Variants in ROBO2 observed in about 807,000 individuals in gnomAD.
The protein encoded by ROBO2 is roundabout homolog 2.
Under a neutral mutation model 160.8 loss-of-function variants are expected in ROBO2, and 53 were observed. The ratio of observed to expected loss-of-function variants is 0.33; its 90% CI spans 0.26 to 0.41. The LOEUF is 0.41. Ranked by LOEUF, ROBO2 falls within the 10% of genes least tolerant of loss-of-function variation. The probability of loss-of-function intolerance (pLI) is 1.00; values close to 1 mark genes in which losing one functional copy is unlikely to be tolerated. For missense variants in ROBO2, 1,577 were observed against 1,722.4 expected (o/e 0.92, Z 1.49); for synonymous variants, 664 against 611.7 (o/e 1.09, Z -1.26).
Position 77,152,585 on chromosome 3 carries a change from G to A in ROBO2, c.388+54245G>A, listed in dbSNP as rs62251809. Among the ~76,000 whole-genome samples, 834 of 152,276 alleles carry A rather than the reference G, an allele frequency of 5.5e-3. 1 individual carries two copies. The highest frequency in any genetic ancestry group is 8.4e-3 in the Non-Finnish European group (570 of 68,018). ...ATCCACATCACCTGTGAGTATGTTC[G>A]TTGTATCAAATCTCAGGCCTTATGC... On this transcript the variant is annotated intron_variant, in intron 2 of 25. Transcript: ENST00000461745.
At chr3:76,497,055 T>C (rs1199530341) in intron 2 of ROBO2, among the ~76,000 whole-genome samples, 1 of 152,222 alleles carries the variant, frequency 6.6e-6, no homozygotes, top group Non-Finnish European at 1.5e-5. Flanking sequence ...TTGTGGCTTC[T>C]GTCTCCTTGG....
intron 2 of ROBO2, among the ~76,000 whole-genome samples, chr3:76,167,389 C>A (rs1218370352): frequency 6.6e-6 from 1 of 152,184 alleles, no homozygotes; most frequent in Non-Finnish European, 1.5e-5. Flanking sequence ...TTTCTAAACC[C>A]AGAAGAGGAA....
intron 2 of ROBO2, among the ~76,000 whole-genome samples, chr3:76,578,862 C>T (rs991166431): frequency 6.6e-6 from 1 of 152,132 alleles, no homozygotes; most frequent in African/African-American, 2.4e-5. Context: ...GTAATCCTTT[C>T]GCCCAAACCT....
chr3:76,830,167 T>TC (rs1226727658), intron 2 of ROBO2, among the ~76,000 whole-genome samples: 2 of 152,076 alleles, frequency 1.3e-5, no homozygotes, highest in Admixed American at 1.3e-4. Flanking sequence ...AACTCAACTG[T>TC]CCCCCCCTCC....
chr3:76,537,183 G>C (rs555393160), intron 2 of ROBO2, among the ~76,000 whole-genome samples: 11 of 152,088 alleles, frequency 7.2e-5, no homozygotes, highest in African/African-American at 2.7e-4. Flanking sequence ...GGGAGAGAAA[G>C]AGGAAAGATT....
intron 5 of ROBO2, among the ~76,000 whole-genome samples, chr3:77,498,933 G>A (rs2087161148): frequency 6.6e-6 from 1 of 152,138 alleles, no homozygotes; most frequent in Non-Finnish European, 1.5e-5. Context: ...GAAGCAATGT[G>A]TACAAAATAT....
At chr3:77,063,626 G>C (rs1164332703) in intron 1 of ROBO2, among the ~76,000 whole-genome samples, 3 of 152,152 alleles carry the variant, frequency 2.0e-5, no homozygotes, top group African/African-American at 7.2e-5. Context: ...ACTTACGTTA[G>C]GCTACTTCGT....
At chr3:77,354,000 A>G (rs1209237917) in intron 2 of ROBO2, among the ~76,000 whole-genome samples, 2 of 152,132 alleles carry the variant, frequency 1.3e-5, no homozygotes, top group Non-Finnish European at 2.9e-5. Flanking sequence ...AATTGTTTTT[A>G]CTGAATTGCA....
At chr3:76,396,149 G>A (rs1328647903) in intron 2 of ROBO2, among the ~76,000 whole-genome samples, 1 of 152,100 alleles carries the variant, frequency 6.6e-6, no homozygotes, top group Non-Finnish European at 1.5e-5. Context: ...TCATCCCTGG[G>A]ATGCAAGGCT....
At chr3:76,034,692 T>C (rs946224041) in intron 2 of ROBO2, among the ~76,000 whole-genome samples, 2 of 152,240 alleles carry the variant, frequency 1.3e-5, no homozygotes, top group South Asian at 4.1e-4. Flanking sequence ...AATCCATGTT[T>C]TTGGTGATGT....
At chr3:77,290,703 G>C (rs1267563037) in intron 2 of ROBO2, among the ~76,000 whole-genome samples, 1 of 52,760 alleles carries the variant, frequency 1.9e-5, no homozygotes. Context: ...GATCACCCCA[G>C]ACATAAAGTA....
chr3:76,339,194 A>G (rs2074067292), intron 2 of ROBO2, among the ~76,000 whole-genome samples: 1 of 152,106 alleles, frequency 6.6e-6, no homozygotes, highest in African/African-American at 2.4e-5. Flanking sequence ...TGAATGGCAT[A>G]TTTTCAAAAT....
intron 1 of ROBO2, among the ~76,000 whole-genome samples, chr3:75,917,881 G>T (rs1207527549): frequency 3.4e-4 from 52 of 151,650 alleles, no homozygotes; most frequent in Non-Finnish European, 5.9e-4. Flanking sequence ...TTTTGATGGG[G>T]TTGTTTTTTT....
At chr3:76,647,251 C>T (rs2091016623) in intron 2 of ROBO2, among the ~76,000 whole-genome samples, 1 of 152,138 alleles carries the variant, frequency 6.6e-6, no homozygotes, top group Non-Finnish European at 1.5e-5. Flanking sequence ...GGGGGAAATG[C>T]AAACTGGATT....
chr3:77,126,178 A>G (rs1159985796), intron 2 of ROBO2, among the ~76,000 whole-genome samples: 9 of 152,232 alleles, frequency 5.9e-5, no homozygotes. Flanking sequence ...GAGTAACCTC[A>G]TTACAGTCAG....
intron 2 of ROBO2, among the ~76,000 whole-genome samples, chr3:76,217,779 A>G (rs903459681): frequency 4.6e-5 from 7 of 152,332 alleles, no homozygotes; most frequent in Admixed American, 6.5e-5. Flanking sequence ...TCCAATCAAT[A>G]GAAAAAGAGG....
chr3:77,135,235 C>G (rs1178462700), intron 2 of ROBO2, among the ~76,000 whole-genome samples: 1 of 152,088 alleles, frequency 6.6e-6, no homozygotes, highest in Admixed American at 6.6e-5. Context: ...AGTTTGAACT[C>G]TAGTTTTAGG....
At chr3:76,517,110 A>G (rs1440129902) in intron 2 of ROBO2, among the ~76,000 whole-genome samples, 2 of 152,136 alleles carry the variant, frequency 1.3e-5, no homozygotes, top group African/African-American at 4.8e-5. Context: ...TTTTAATATA[A>G]CGGTTATAAA....
chr3:77,245,631 A>G (rs1334640721), intron 2 of ROBO2, among the ~76,000 whole-genome samples: 1 of 152,216 alleles, frequency 6.6e-6, no homozygotes, highest in Non-Finnish European at 1.5e-5. Flanking sequence ...CTGTGTGGAT[A>G]CAAGGGAGAT....
Sources: gnomAD v4.1 joint callset for allele counts (sites outside exome capture counted in the v4.1 genomes callset) on GRCh38, gnomAD v4.1.1 for gene constraint, MANE v1.5 for transcripts, NCBI Gene and HGNC (gene_info 2026-07-23, HGNC 2026-07-21) for gene names.